Variants in CCDC33 observed in about 807,000 individuals in gnomAD.
The protein encoded by CCDC33 is coiled-coil domain-containing protein 33.
CCDC33 carries 94 observed loss-of-function variants against 91.9 expected under a neutral mutation model. The ratio of observed to expected loss-of-function variants is 1.02; its 90% confidence interval spans 0.87 to 1.21. The LOEUF is 1.21. Among genes scored for constraint, CCDC33 ranks in the 50% most tolerant of loss-of-function variants. The pLI is 0.00. For synonymous variants in CCDC33, 396 were observed against 374.5 expected, an observed-to-expected ratio of 1.06 and a Z score of -0.66; for missense variants, 940 against 935.5, an observed-to-expected ratio of 1.00 and a Z score of -0.06.
intron 4 of CCDC33, 47 bp downstream of exon 4, chr15:74,266,834 C>A (rs2076178807): frequency 1.5e-6 from 2 of 1,359,374 alleles, no homozygotes; most frequent in Non-Finnish European, 2.1e-6. Context: ...GTGGGAACCA[C>A]CTTGAATGTC....
chr15:74,239,736 C>T (rs2075286266), intron 1 of CCDC33, among the ~76,000 whole-genome samples: 1 of 152,318 alleles, frequency 6.6e-6, no homozygotes, highest in East Asian at 1.9e-4. Context: ...TGATGGTGAG[C>T]ATCCAGCTTT....
chr15:74,258,405 G>A (rs924336407), intron 2 of CCDC33, among the ~76,000 whole-genome samples: 7 of 152,170 alleles, frequency 4.6e-5, no homozygotes, highest in African/African-American at 1.7e-4. Context: ...AGCTTCTAAA[G>A]CTCTGCCCAG....
intron 11 of CCDC33, among the ~76,000 whole-genome samples, chr15:74,324,194 A>C (rs2060262891): frequency 6.6e-6 from 1 of 151,176 alleles, no homozygotes; most frequent in African/African-American, 2.4e-5. Flanking sequence ...TCTGGCCTAA[A>C]TTTTCTATTT....
intron 3 of CCDC33, among the ~76,000 whole-genome samples, chr15:74,262,849 C>T (rs1257105411): frequency 2.0e-5 from 3 of 152,116 alleles, no homozygotes; most frequent in East Asian, 1.9e-4. Flanking sequence ...CTGTTATTAG[C>T]GCTGTCTCCT....
At chr15:74,296,261 C>T (rs2059683901) in intron 11 of CCDC33, among the ~76,000 whole-genome samples, 1 of 152,130 alleles carries the variant, frequency 6.6e-6, no homozygotes, top group Admixed American at 6.5e-5. Context: ...AGGTGCATGG[C>T]CACTGGGTAG....
rs1311395000 is a variant in CCDC33, at chr15:74,333,946, G to T, written c.2004G>T (p.Arg668=). The change falls in exon 17 of 19, where the codon CGG becomes CGT. Residue 668 remains arginine, a synonymous_variant. Transcript: ENST00000398814. ...CCAAGCTGGAACACGCTCAGAGCCG[G>T]ATCCTGTCCCTGGAAAGCCAGGTGG... ...LLAKLEHAQS[R]ILSLESQLED... is the part of the protein sequence containing the mutation. 9 of 1,613,476 alleles carry T rather than the reference G, an allele frequency of 5.6e-6. No individual in the cohort carries two copies. The highest frequency in any genetic ancestry group is 1.3e-5 in the African/African-American group (1 of 74,930).
intron 10 of CCDC33, among the ~76,000 whole-genome samples, chr15:74,284,629 T>C (rs1484509173): frequency 3.3e-5 from 5 of 152,226 alleles, no homozygotes; most frequent in Non-Finnish European, 7.3e-5. Flanking sequence ...AAGCTTGCAT[T>C]CTTAGCAGGG....
At chr15:74,230,429 C>A (rs527270636) in intron 2 of CCDC33, among the ~76,000 whole-genome samples, 1 of 152,272 alleles carries the variant, frequency 6.6e-6, no homozygotes, top group Admixed American at 6.5e-5. Context: ...TCCCTTGTTA[C>A]ACGAGTTATT....
chr15:74,307,558 A>G (rs1209595208), intron 11 of CCDC33, among the ~76,000 whole-genome samples: 1 of 151,912 alleles, frequency 6.6e-6, no homozygotes, highest in Non-Finnish European at 1.5e-5. Flanking sequence ...GGTGACTTGG[A>G]AGTCAGGAGC....
chr15:74,220,271 A>G (rs939809516), intron 2 of CCDC33, among the ~76,000 whole-genome samples: 1 of 152,226 alleles, frequency 6.6e-6, no homozygotes, highest in African/African-American at 2.4e-5. Context: ...GACATGGCCC[A>G]CTATGGCCTC....
At chr15:74,230,751 T>C (rs1595897250) in intron 2 of CCDC33, among the ~76,000 whole-genome samples, 2 of 152,296 alleles carry the variant, frequency 1.3e-5, no homozygotes, top group South Asian at 4.1e-4. Flanking sequence ...GCCTACCATG[T>C]GAAGGCATCC....
rs1566987189 is a variant in CCDC33 at position 74,271,771 on chromosome 15, CG to C, written c.616del (p.Val206PhefsTer33). 6.2e-7 allele frequency: 1 copy of C among 1,613,874 alleles called. No individual in the cohort carries two copies. The highest frequency in any genetic ancestry group is 2.2e-5 in the East Asian group (1 of 44,860). On this transcript the variant is annotated frameshift_variant, in exon 6 of 19. Coordinates refer to ENST00000398814, the MANE Select transcript of CCDC33 (RefSeq NM_025055.5). LOFTEE classifies it high-confidence loss of function. ...ACCCCATAGTGGTGATTGCCCGGGT[CG>C]TTCCCAACTACAAGGAATTTAAGTG... is the stretch of plus-strand genomic sequence containing the variant. ...PNPIVVIARV[V>X]PNYKEFKVSQ...
intron 11 of CCDC33, among the ~76,000 whole-genome samples, chr15:74,309,086 C>G (rs2059944678): frequency 6.6e-6 from 1 of 152,128 alleles, no homozygotes. Flanking sequence ...AGCCTTCCTC[C>G]TCCTAAGACA....
intron 10 of CCDC33, among the ~76,000 whole-genome samples, chr15:74,288,734 C>T (rs1480294298): frequency 6.6e-6 from 1 of 152,158 alleles, no homozygotes; most frequent in Non-Finnish European, 1.5e-5. Context: ...ACTCACAGCC[C>T]CATCTGTACC....
intron 11 of CCDC33, among the ~76,000 whole-genome samples, chr15:74,329,161 C>CATAT (rs143161165): frequency 5.4e-5 from 8 of 149,350 alleles, no homozygotes; most frequent in African/African-American, 1.7e-4. Flanking sequence ...TATTAATTTT[C>CATAT]ATATATATAT....
intron 1 of CCDC33, chr15:74,243,773 C>T (rs753598268): frequency 1.9e-4 from 113 of 597,884 alleles, no homozygotes; most frequent in Admixed American, 6.0e-4. Flanking sequence ...GGGGAAATCC[C>T]GTCTCTACTA....
intron 2 of CCDC33, among the ~76,000 whole-genome samples, chr15:74,250,667 G>A (rs1431767623): frequency 6.6e-6 from 1 of 152,170 alleles, no homozygotes; most frequent in South Asian, 2.1e-4. Flanking sequence ...TGCCCCACTA[G>A]TTCCGTGGAC....
At chr15:74,232,927 C>G (rs1183942661), upstream of CCDC33, among the ~76,000 whole-genome samples, 3 of 152,208 alleles carry the variant, frequency 2.0e-5, no homozygotes, top group Admixed American at 6.5e-5. Context: ...AGCCTTCACA[C>G]CCACCCAGAC....
At chr15:74,278,455 G>A (rs530592895) in intron 7 of CCDC33, among the ~76,000 whole-genome samples, 1 of 152,236 alleles carries the variant, frequency 6.6e-6, no homozygotes, top group Non-Finnish European at 1.5e-5. Context: ...CAGCCACTTG[G>A]TGGGTCTGTA....
Sources: allele counts gnomAD v4.1 joint callset (sites outside exome capture counted in the v4.1 genomes callset), GRCh38; gene constraint gnomAD v4.1.1; transcripts MANE v1.5; gene names NCBI Gene and HGNC (gene_info 2026-07-23, HGNC 2026-07-21).